The following ARMC2 variants were observed in gnomAD, a reference collection of about 807,000 sequenced individuals.
ARMC2 encodes armadillo repeat-containing protein 2.
In ARMC2, 67 loss-of-function variants were observed where a neutral mutation model predicts 90.3. The observed-to-expected ratio is 0.74, with a 90% confidence interval of 0.61 to 0.91. The LOEUF is 0.91. Ranked by LOEUF, ARMC2 falls within the 40% of genes least tolerant of loss-of-function variation. ARMC2 has a pLI of 0.00. For missense variants in ARMC2, 920 were observed against 1,030.9 expected (o/e 0.89, Z 1.47); for synonymous variants, 393 against 393.0 (o/e 1.00, Z 0.00).
rs2128409590 is a variant in ARMC2, at chr6:108,848,495, C to G, written c.-95C>G. ...TCCCTGGCCGCTACCCGGGGAGAGC[C>G]GGAGGATGAATTGAACCTCGCAGCC... On this transcript the variant is annotated 5_prime_UTR_variant, in exon 1 of 18. Transcript: ENST00000392644. 1 of 152,536 alleles carries G rather than the reference C, an allele frequency of 6.6e-6. No homozygotes were observed. The highest frequency in any genetic ancestry group is 1.5e-5 in the Non-Finnish European group (1 of 68,178). 9.4% of individuals were successfully genotyped at this position (152,536 alleles called of 1,614,324 possible).
Position 108,876,351 on chromosome 6 carries a change from G to A in ARMC2, c.671+1G>A, listed in dbSNP as rs748487315. On this transcript the variant is annotated splice_donor_variant, in intron 5 of 17. Transcript: ENST00000392644. LOFTEE classifies it high-confidence loss of function. ...TACCATCTCATCTCAAGAATGGAGG[G>A]TCAGTATTCTTTTTATTTAATTTTC... 8 of 1,607,398 alleles carry A rather than the reference G, an allele frequency of 5.0e-6. No individual in the cohort carries two copies. Among genetic ancestry groups the A allele is most frequent in the Non-Finnish European group, 6.8e-6 (8 of 1,176,912 alleles).
chr6:108,987,416 T>C, the ARMC2 span: 1 of 562,768 alleles, frequency 1.8e-6, no homozygotes, highest in Non-Finnish European at 3.2e-6. Flanking sequence ...TAGCAGAAAC[T>C]AAAGGAATCA....
chr6:109,037,197 A>T, the ARMC2 span, among the ~76,000 whole-genome samples: 1 of 152,244 alleles, frequency 6.6e-6, no homozygotes, highest in Non-Finnish European at 1.5e-5. Context: ...TCTGTGATGC[A>T]ACAATATTGC....
the ARMC2 span, among the ~76,000 whole-genome samples, chr6:109,031,033 C>T: frequency 3.3e-5 from 5 of 152,104 alleles, no homozygotes; most frequent in Non-Finnish European, 2.9e-5. Context: ...TTCTAGGCAA[C>T]GTGTAATTTT....
intron 10 of ARMC2, among the ~76,000 whole-genome samples, chr6:108,922,420 G>A (rs1442350445): frequency 6.6e-6 from 1 of 152,110 alleles, no homozygotes. Flanking sequence ...TTACAGACCT[G>A]AGCCACTGGG....
At chr6:108,968,423 T>G (rs918938976) in intron 17 of ARMC2, among the ~76,000 whole-genome samples, 2 of 152,152 alleles carry the variant, frequency 1.3e-5, no homozygotes, top group African/African-American at 4.8e-5. Flanking sequence ...TAACAGCAAA[T>G]AAACACAGCT....
At chr6:109,009,757 A>G in the ARMC2 span, among the ~76,000 whole-genome samples, 1 of 152,046 alleles carries the variant, frequency 6.6e-6, no homozygotes, top group Non-Finnish European at 1.5e-5. Context: ...ACGAACAGCT[A>G]ATTCTCAGGT....
intron 1 of ARMC2, among the ~76,000 whole-genome samples, chr6:108,853,513 A>G: frequency 6.6e-6 from 1 of 152,036 alleles, no homozygotes; most frequent in South Asian, 2.1e-4. Context: ...AATGCTATAT[A>G]CTCATTAGAA....
chr6:108,876,984 A>G (rs1333645512), intron 5 of ARMC2, among the ~76,000 whole-genome samples: 1 of 152,196 alleles, frequency 6.6e-6, no homozygotes, highest in African/African-American at 2.4e-5. Context: ...TGGACTGTGA[A>G]TTCTTACCCT....
intron 12 of ARMC2, among the ~76,000 whole-genome samples, chr6:108,949,810 C>G (rs1043781939): frequency 3.3e-5 from 5 of 152,160 alleles, no homozygotes; most frequent in Non-Finnish European, 5.9e-5. Flanking sequence ...ATAAATATCC[C>G]ATAGCTTCTT....
chr6:109,010,522 TAAATGA>T, the ARMC2 span, among the ~76,000 whole-genome samples: 2 of 152,218 alleles, frequency 1.3e-5, no homozygotes, highest in Non-Finnish European at 2.9e-5. Flanking sequence ...ACAGGACTCA[TAAATGA>T]AAATAAGTTT....
At chr6:109,014,511 T>C in the ARMC2 span, among the ~76,000 whole-genome samples, 34 of 152,320 alleles carry the variant, frequency 2.2e-4, no homozygotes, top group East Asian at 4.2e-3. Context: ...GAATATATAT[T>C]TACAATTTTG....
intron 5 of ARMC2, among the ~76,000 whole-genome samples, chr6:108,893,006 A>T (rs1288413618): frequency 6.6e-6 from 1 of 152,204 alleles, no homozygotes; most frequent in Non-Finnish European, 1.5e-5. Context: ...GACAAAAAGA[A>T]ATTTTGATAT....
chr6:108,984,693 AT>A, the ARMC2 span, among the ~76,000 whole-genome samples: 2 of 152,142 alleles, frequency 1.3e-5, no homozygotes, highest in African/African-American at 2.4e-5. Context: ...GAATTGTTAA[AT>A]TTTTTTGGAT....
intron 8 of ARMC2, among the ~76,000 whole-genome samples, chr6:108,909,469 A>G (rs540666273): frequency 1.6e-4 from 24 of 152,022 alleles, no homozygotes; most frequent in African/African-American, 4.6e-4. Context: ...AAAAAACACT[A>G]TATTTCCTTA....
At chr6:108,960,680 T>C (rs1283720815) in intron 13 of ARMC2, among the ~76,000 whole-genome samples, 1 of 152,150 alleles carries the variant, frequency 6.6e-6, no homozygotes, top group African/African-American at 2.4e-5. Context: ...CTATTTTAAA[T>C]AGGGAGGTTA....
the ARMC2 span, chr6:108,998,512 C>G: frequency 1.2e-6 from 2 of 1,613,506 alleles, no homozygotes; most frequent in Non-Finnish European, 1.7e-6. Context: ...ATAATACTTA[C>G]AGAAACATTT....
intron 17 of ARMC2, among the ~76,000 whole-genome samples, chr6:108,966,290 C>T (rs771262858): frequency 6.6e-6 from 1 of 151,838 alleles, no homozygotes; most frequent in Non-Finnish European, 1.5e-5. Flanking sequence ...AGCAGACTCA[C>T]CCGTGGAACT....
the ARMC2 span, among the ~76,000 whole-genome samples, chr6:108,984,982 G>C: frequency 6.6e-6 from 1 of 152,150 alleles, no homozygotes; most frequent in African/African-American, 2.4e-5. Context: ...GAATGAGGAC[G>C]TGGAGTTCCC....
Sources: gnomAD v4.1 joint callset for allele counts (sites outside exome capture counted in the v4.1 genomes callset) on GRCh38, gnomAD v4.1.1 for gene constraint, MANE v1.5 for transcripts, NCBI Gene and HGNC (gene_info 2026-07-23, HGNC 2026-07-21) for gene names.